Variants in RSRC1 observed in about 807,000 individuals in gnomAD.
The protein encoded by RSRC1 is serine/Arginine-related protein 53.
In RSRC1, 39 loss-of-function variants were observed where a neutral mutation model predicts 49.1. The observed-to-expected ratio is 0.79, with a 90% CI of 0.61 to 1.04. The LOEUF (loss-of-function observed/expected upper bound fraction) is 1.04. Ranked by LOEUF, RSRC1 falls within the 50% of genes least tolerant of loss-of-function variation. The probability of loss-of-function intolerance (pLI) is 0.00; values close to 1 mark genes in which losing one functional copy is unlikely to be tolerated. For missense variants in RSRC1, 388 were observed against 402.4 expected (o/e 0.96, Z 0.31); for synonymous variants, 143 against 130.8 (o/e 1.09, Z -0.63).
In RSRC1 at chr3:158,270,527, T is replaced by A. The variant is rs139522220; in HGVS notation, c.495-27512T>A. Among the ~76,000 whole-genome samples the A allele has an allele frequency of 7.5e-3, 1,140 of 152,336 alleles. 13 individuals are homozygous for A. The highest frequency in any genetic ancestry group is 0.026 in the African/African-American group (1,084 of 41,578). ...ATATTGTAGTCATGTATTTCAATTGTAATTTATTGAGCATACCATAATATG... is the reference window on the plus strand; with the variant it reads ...ATATTGTAGTCATGTATTTCAATTGAAATTTATTGAGCATACCATAATATG... On this transcript the variant is annotated intron_variant, in intron 4 of 9. Transcript: ENST00000611884.
intron 4 of RSRC1, among the ~76,000 whole-genome samples, chr3:158,206,791 G>A (rs1340557509): frequency 5.3e-5 from 8 of 152,100 alleles, no homozygotes; most frequent in Non-Finnish European, 8.8e-5. Flanking sequence ...GTGCGTGCCT[G>A]TAATCCCAGC....
At chr3:158,451,872 A>G (rs1737061641) in intron 6 of RSRC1, among the ~76,000 whole-genome samples, 1 of 152,098 alleles carries the variant, frequency 6.6e-6, no homozygotes, top group Non-Finnish European at 1.5e-5. Context: ...AGGAAGAAAC[A>G]TTATTGAATG....
intron 6 of RSRC1, among the ~76,000 whole-genome samples, chr3:158,367,673 G>T (rs778626503): frequency 6.6e-6 from 1 of 152,102 alleles, no homozygotes; most frequent in African/African-American, 2.4e-5. Flanking sequence ...AGTTGGGGAG[G>T]AGTCCCTCTT....
At chr3:158,296,407 G>C (rs192223334) in intron 4 of RSRC1, among the ~76,000 whole-genome samples, 2 of 151,904 alleles carry the variant, frequency 1.3e-5, no homozygotes, top group Non-Finnish European at 1.5e-5. Flanking sequence ...AGTCAGTGAT[G>C]GGAGGAAGAC....
rs368903561 is a variant in RSRC1, at chr3:158,422,693, C to G, written c.584-38242C>G. ...TTGAACTAGTTTACAGTCCCACCAA[C>G]AGTGTAAAAGTGTTCCTATTTCTCC... On this transcript the variant is annotated intron_variant, in intron 6 of 9. Coordinates refer to ENST00000611884, the MANE Select transcript of RSRC1 (RefSeq NM_001271838.2). Among the ~76,000 whole-genome samples the G allele has an allele frequency of 1.0e-3, 157 of 151,088 alleles. 3 individuals carry two copies. In the East Asian group the frequency reaches 0.023, roughly 22 times the overall value.
At chr3:158,475,193 G>A (rs1738315395) in intron 7 of RSRC1, among the ~76,000 whole-genome samples, 1 of 151,906 alleles carries the variant, frequency 6.6e-6, no homozygotes, top group Non-Finnish European at 1.5e-5. Flanking sequence ...CAAAGTGCTG[G>A]GATTACAGGC....
chr3:158,123,927 C>A lies in RSRC1; in HGVS notation c.256C>A (p.Arg86Ser). The A allele has an allele frequency of 1.2e-6, 2 of 1,612,860 alleles. No homozygotes were observed. The highest frequency in any genetic ancestry group is 2.2e-5 in the South Asian group (2 of 90,942). Reference sequence around the variant, plus strand: ...CTCCAGAAGGAAACGAAGTCGAAGTCGTTCAAGGGGTCGAGGGAAATCCTA... The same window carrying A: ...CTCCAGAAGGAAACGAAGTCGAAGTAGTTCAAGGGGTCGAGGGAAATCCTA... ...YGSRRKRSRSRSRGRGKSYRV... is the reference protein window; with the variant it reads ...YGSRRKRSRSSSRGRGKSYRV... The change falls in exon 3 of 10, where the codon CGT (arginine) becomes AGT (serine). Residue 86 changes from arginine to serine, a missense_variant. Physicochemically the swap from Arg to Ser is moderately radical, Grantham distance 110. Coordinates refer to ENST00000611884, the MANE Select transcript of RSRC1 (RefSeq NM_001271838.2).
chr3:158,359,213 A>G (rs1233846836), intron 6 of RSRC1, among the ~76,000 whole-genome samples: 1 of 152,204 alleles, frequency 6.6e-6, no homozygotes, highest in East Asian at 1.9e-4. Context: ...TGCCTCAACT[A>G]TACCATATCA....
intron 5 of RSRC1, among the ~76,000 whole-genome samples, chr3:158,329,368 T>G (rs1729396337): frequency 6.6e-6 from 1 of 152,192 alleles, no homozygotes; most frequent in Admixed American, 6.5e-5. Context: ...CTTTGTGGTT[T>G]TATCTACCTT....
At chr3:158,235,842 G>A (rs747250691) in intron 4 of RSRC1, among the ~76,000 whole-genome samples, 5 of 152,206 alleles carry the variant, frequency 3.3e-5, no homozygotes, top group Non-Finnish European at 7.3e-5. Flanking sequence ...ACCAGGCCAG[G>A]GGCGGTGGCT....
intron 4 of RSRC1, among the ~76,000 whole-genome samples, chr3:158,281,779 C>G (rs1726187701): frequency 6.6e-6 from 1 of 152,162 alleles, no homozygotes; most frequent in African/African-American, 2.4e-5. Flanking sequence ...GGGGGAACCA[C>G]TGATGACTTT....
At chr3:158,421,860 AT>A (rs981200331) in intron 6 of RSRC1, among the ~76,000 whole-genome samples, 1 of 151,722 alleles carries the variant, frequency 6.6e-6, no homozygotes, top group African/African-American at 2.4e-5. Context: ...CATTTTGCAA[AT>A]TTTTCTTAGA....
At chr3:158,393,019 A>G (rs776205458) in intron 6 of RSRC1, among the ~76,000 whole-genome samples, 1 of 152,096 alleles carries the variant, frequency 6.6e-6, no homozygotes, top group Admixed American at 6.6e-5. Flanking sequence ...TACTAAGAAG[A>G]TTGCTCAAAA....
At chr3:158,530,367 TACC>T (rs1440767016) in intron 7 of RSRC1, among the ~76,000 whole-genome samples, 2 of 151,916 alleles carry the variant, frequency 1.3e-5, no homozygotes, top group African/African-American at 4.8e-5. Flanking sequence ...CCTTCTGAAA[TACC>T]ACCATGTCAG....
intron 4 of RSRC1, among the ~76,000 whole-genome samples, chr3:158,294,999 G>A (rs1450103535): frequency 1.3e-5 from 2 of 152,160 alleles, no homozygotes; most frequent in African/African-American, 4.8e-5. Flanking sequence ...AAATTAAAAA[G>A]ACGTAATGCA....
chr3:158,265,631 CA>C (rs63157561), intron 4 of RSRC1, among the ~76,000 whole-genome samples: 2 of 147,900 alleles, frequency 1.4e-5, no homozygotes. Flanking sequence ...AACTCAGTCT[CA>C]AAAAAAAAAA....
chr3:158,314,322 A>C (rs1728292467), intron 5 of RSRC1, among the ~76,000 whole-genome samples: 1 of 151,702 alleles, frequency 6.6e-6, no homozygotes, highest in Non-Finnish European at 1.5e-5. Flanking sequence ...CGAACTCCTG[A>C]CCTCAGGTGA....
intron 3 of RSRC1, among the ~76,000 whole-genome samples, chr3:158,179,471 G>A (rs916658177): frequency 6.6e-6 from 1 of 152,116 alleles, no homozygotes; most frequent in Non-Finnish European, 1.5e-5. Context: ...TGTCATTTAA[G>A]AACGTTTTTT....
intron 6 of RSRC1, among the ~76,000 whole-genome samples, chr3:158,401,856 A>C (rs1463527294): frequency 6.6e-6 from 1 of 151,946 alleles, no homozygotes; most frequent in Non-Finnish European, 1.5e-5. Context: ...ATTTAATTTA[A>C]ATTTATGAAC....
Sources: gnomAD v4.1 joint callset for allele counts (sites outside exome capture counted in the v4.1 genomes callset) on GRCh38, gnomAD v4.1.1 for gene constraint, MANE v1.5 for transcripts, NCBI Gene and HGNC (gene_info 2026-07-23, HGNC 2026-07-21) for gene names.